STPG2: variants seen among roughly 807,000 people sequenced by gnomAD.
STPG2 encodes the protein sperm-tail PG-rich repeat-containing protein 2.
Under a neutral mutation model 54.2 loss-of-function variants are expected in STPG2, and 56 were observed. The ratio of observed to expected loss-of-function variants is 1.03; its 90% CI spans 0.83 to 1.29. STPG2 has a LOEUF of 1.29. STPG2 is among the 50% of genes most tolerant of loss of function. The pLI is 0.00. For missense variants in STPG2, 596 were observed against 544.9 expected, an observed-to-expected ratio of 1.09 and a Z score of -0.93; for synonymous variants, 200 against 181.8, an observed-to-expected ratio of 1.10 and a Z score of -0.81.
At chr4:97,873,813 A>T (rs1302511549) in intron 8 of STPG2, among the ~76,000 whole-genome samples, 4 of 151,626 alleles carry the variant, frequency 2.6e-5, no homozygotes, top group Admixed American at 2.6e-4. Context: ...TAGTAACTTA[A>T]CACATTAATT....
At chr4:97,872,870 A>G (rs1468200314) in intron 8 of STPG2, among the ~76,000 whole-genome samples, 1 of 151,236 alleles carries the variant, frequency 6.6e-6, no homozygotes, top group Non-Finnish European at 1.5e-5. Context: ...TCCTTTTGTC[A>G]TATTCTAATT....
intron 10 of STPG2, among the ~76,000 whole-genome samples, chr4:97,668,498 AGTAACCCAG>A (rs1244035157): frequency 6.6e-6 from 1 of 152,188 alleles, no homozygotes; most frequent in African/African-American, 2.4e-5. Context: ...AAGCCTGTGC[AGTAACCCAG>A]GTAAAAGATT....
At chr4:98,021,057 C>T (rs1369653239) in intron 5 of STPG2, among the ~76,000 whole-genome samples, 13 of 152,104 alleles carry the variant, frequency 8.5e-5, no homozygotes, top group Non-Finnish European at 1.9e-4. Flanking sequence ...TTGCCTTCTG[C>T]TAGCTTTTGA....
intron 4 of STPG2, among the ~76,000 whole-genome samples, chr4:97,496,117 A>G (rs1276224945): frequency 6.6e-6 from 1 of 151,766 alleles, no homozygotes; most frequent in Non-Finnish European, 1.5e-5. Flanking sequence ...ATATTTAGTA[A>G]TATCATTTTC....
chr4:97,982,681 C>A (rs1734719742), intron 5 of STPG2, among the ~76,000 whole-genome samples: 1 of 151,988 alleles, frequency 6.6e-6, no homozygotes, highest in Non-Finnish European at 1.5e-5. Context: ...TCTTTTATGT[C>A]CTTTAATGTA....
intron 9 of STPG2, among the ~76,000 whole-genome samples, chr4:97,725,569 A>C (rs1724596811): frequency 6.6e-6 from 1 of 151,918 alleles, no homozygotes; most frequent in Non-Finnish European, 1.5e-5. Context: ...GTTGGTATAG[A>C]AAATTATAAG....
At chr4:97,539,514 C>A (rs1457988124) in intron 4 of STPG2, among the ~76,000 whole-genome samples, 1 of 152,088 alleles carries the variant, frequency 6.6e-6, no homozygotes, top group Non-Finnish European at 1.5e-5. Flanking sequence ...ATTTATGCAC[C>A]CAATACAGGA....
At chr4:97,907,611 C>T (rs1160414946) in intron 8 of STPG2, among the ~76,000 whole-genome samples, 1 of 152,112 alleles carries the variant, frequency 6.6e-6, no homozygotes, top group African/African-American at 2.4e-5. Flanking sequence ...TACCTGACTT[C>T]AAACTATACT....
chr4:97,682,624 A>G (rs1723069144), intron 10 of STPG2, among the ~76,000 whole-genome samples: 1 of 151,808 alleles, frequency 6.6e-6, no homozygotes, highest in Non-Finnish European at 1.5e-5. Context: ...TATGTCCAGC[A>G]CTATCCTTAG....
chr4:97,553,488 T>C (rs917593684), intron 4 of STPG2, among the ~76,000 whole-genome samples: 1 of 152,224 alleles, frequency 6.6e-6, no homozygotes, highest in Admixed American at 6.5e-5. Context: ...CAACTGTCAG[T>C]GTCTCCTAGG....
chr4:97,516,752 C>T (rs763733641), intron 4 of STPG2, among the ~76,000 whole-genome samples: 55 of 151,500 alleles, frequency 3.6e-4, no homozygotes, highest in Middle Eastern at 3.4e-3. Flanking sequence ...CACTTGAACA[C>T]GGGAGTTGGA....
At chr4:97,744,605 G>A (rs1446969844) in intron 9 of STPG2, among the ~76,000 whole-genome samples, 1 of 151,248 alleles carries the variant, frequency 6.6e-6, no homozygotes, top group African/African-American at 2.4e-5. Context: ...TGAAACTGTG[G>A]ATGCTACAGA....
At chr4:97,738,272 G>C (rs1725089818) in intron 9 of STPG2, among the ~76,000 whole-genome samples, 1 of 152,150 alleles carries the variant, frequency 6.6e-6, no homozygotes, top group Non-Finnish European at 1.5e-5. Context: ...AAATTGTAAA[G>C]ACCATCGAGG....
intron 7 of STPG2, among the ~76,000 whole-genome samples, chr4:97,946,765 T>G (rs1004518694): frequency 6.6e-6 from 1 of 152,176 alleles, no homozygotes; most frequent in Non-Finnish European, 1.5e-5. Flanking sequence ...TCTACTTTTA[T>G]ATAAGTACTG....
chr4:98,132,190 T>C (rs1740014040), intron 2 of STPG2, among the ~76,000 whole-genome samples: 1 of 152,062 alleles, frequency 6.6e-6, no homozygotes, highest in African/African-American at 2.4e-5. Context: ...AGGTAGTTTG[T>C]AAAATTTCCC....
chr4:97,789,254 AT>A (rs1373207355), intron 9 of STPG2, among the ~76,000 whole-genome samples: 9 of 152,140 alleles, frequency 5.9e-5, no homozygotes, highest in Middle Eastern at 3.4e-3. Context: ...TGATTATGGT[AT>A]TCAAATAAAA....
At chr4:98,104,919 G>T (rs1208566819) in intron 5 of STPG2, among the ~76,000 whole-genome samples, 2 of 152,082 alleles carry the variant, frequency 1.3e-5, no homozygotes, top group Non-Finnish European at 2.9e-5. Context: ...TATTACCATT[G>T]TTGTGGACAA....
At chr4:98,134,577 A>AATT (rs1200380890) in intron 1 of STPG2, 118 bp from the exon 2 acceptor site, 2 of 388,312 alleles carry the variant, frequency 5.2e-6, no homozygotes, top group Non-Finnish European at 8.8e-6. Context: ...TTATTTTCAG[A>AATT]ACTGTCTAGT....
At chr4:97,876,356 C>T (rs551166997) in intron 8 of STPG2, among the ~76,000 whole-genome samples, 46 of 152,118 alleles carry the variant, frequency 3.0e-4, no homozygotes, top group African/African-American at 1.1e-3. Context: ...AGTGGAAATG[C>T]TCAAATGTGC....
Sources: gnomAD v4.1 joint callset for allele counts (sites outside exome capture counted in the v4.1 genomes callset) on GRCh38, gnomAD v4.1.1 for gene constraint, MANE v1.5 for transcripts, NCBI Gene and HGNC (gene_info 2026-07-23, HGNC 2026-07-21) for gene names.